E2F7: variants seen among roughly 807,000 people sequenced by gnomAD.
The protein encoded by E2F7 is transcription factor E2F7.
E2F7 carries 35 observed loss-of-function variants against 81.1 expected under a neutral mutation model. The ratio of observed to expected loss-of-function variants is 0.43; its 90% CI spans 0.33 to 0.57. The LOEUF is 0.57. Among genes scored for constraint, E2F7 ranks in the 20% least tolerant of loss-of-function variants. E2F7 has a pLI of 0.04. For synonymous variants in E2F7, 416 were observed against 416.2 expected, an observed-to-expected ratio of 1.00 and a Z score of 0.01; for missense variants, 961 against 1,093.7, an observed-to-expected ratio of 0.88 and a Z score of 1.71.
Position 77,024,187 on chromosome 12 carries a change from TGAAAAAA to T in E2F7, c.2566-9_2566-3del, listed in dbSNP as rs760861833. ...CTTGGGGGTCACTGGAACTGGTGAC[TGAAAAAA>T]GAAAAAAGAAAAAACAGAAGTGAAG... On this transcript the variant is annotated splice_region_variant and splice_polypyrimidine_tract_variant and intron_variant, in intron 12 of 12. Coordinates refer to ENST00000322886, the MANE Select transcript of E2F7 (RefSeq NM_203394.3). 2.7e-4 allele frequency: 429 copies of T among 1,607,280 alleles called. No individual in the cohort carries two copies. The highest frequency in any genetic ancestry group is 2.0e-3 in the Middle Eastern group (12 of 6,004).
rs1048898633 is a variant in E2F7, at chr12:77,022,170, G to T, written c.*1845C>A. On this transcript the variant is annotated 3_prime_UTR_variant, in exon 13 of 13. Transcript: ENST00000322886. ...TTTGTGGAAGTTCTTAAGCATGGTA[G>T]AATTAACATGCATATACCCTGCACA... 2.6e-5 allele frequency: 4 copies of T among 152,146 alleles called. No individual in the cohort carries two copies. The highest frequency in any genetic ancestry group is 9.7e-5 in the African/African-American group (4 of 41,438). The allele number at this position is 152,146 out of a possible 1,614,324, so 9.4% of individuals were successfully genotyped here.
At chr12:77,026,111 A>G in intron 11 of E2F7, 129 bp from the exon 12 acceptor site, 2 of 1,138,584 alleles carry the variant, frequency 1.8e-6, no homozygotes, top group Non-Finnish European at 2.4e-6. Flanking sequence ...ACCTTCCCCC[A>G]GCTGACCAGG....
intron 4 of E2F7, 52 bp from the exon 5 acceptor site, chr12:77,046,380 G>A (rs745560514): frequency 2.7e-5 from 43 of 1,568,770 alleles, no homozygotes; most frequent in Non-Finnish European, 3.7e-5. Context: ...CATTTTTGAA[G>A]AGAAGTTCCT....
intron 2 of E2F7, among the ~76,000 whole-genome samples, chr12:77,057,741 A>G (rs1316008061): frequency 1.3e-5 from 2 of 152,242 alleles, no homozygotes; most frequent in Non-Finnish European, 2.9e-5. Context: ...AAAAGTTTCA[A>G]AAATTCAATA....
At chr12:77,054,416 T>G (rs1250148071) in intron 3 of E2F7, among the ~76,000 whole-genome samples, 1 of 151,874 alleles carries the variant, frequency 6.6e-6, no homozygotes, top group Non-Finnish European at 1.5e-5. Flanking sequence ...CAATTTGCAA[T>G]AGCATCAAAA....
Position 77,064,578 on chromosome 12 carries a change from C to A in E2F7, c.58G>T (p.Asp20Tyr). ...DLISPRQPRL[D>Y]FAVEDGENAQ... Reference sequence around the variant, plus strand: ...TTTTCCCCATCTTCAACTGCAAAATCTAGTCTGGGCTGCCTGGGGCTGATC... The same window carrying A: ...TTTTCCCCATCTTCAACTGCAAAATATAGTCTGGGCTGCCTGGGGCTGATC... Residue 20 changes from aspartate to tyrosine, a missense_variant, in exon 2 of 13, where the codon GAT (aspartate) becomes TAT (tyrosine). Transcript: ENST00000322886. 1 of 1,614,136 alleles carries A rather than the reference C, an allele frequency of 6.2e-7. No homozygotes were observed. The highest frequency in any genetic ancestry group is 8.5e-7 in the Non-Finnish European group (1 of 1,180,012).
chr12:77,065,361 A>G lies in E2F7; in HGVS notation c.-17T>C, dbSNP rs1955111662. On this transcript the variant is annotated 5_prime_UTR_variant, in exon 1 of 13. Coordinates refer to ENST00000322886, the MANE Select transcript of E2F7 (RefSeq NM_203394.3). ...CACGCTTACCCCTGCTTTCCTAAGG[A>G]GGCTTCCTGCCTCTGCAGGGACCTC... 6.6e-6 allele frequency: 1 copy of G among 152,224 alleles called. No individual in the cohort carries two copies. The highest frequency in any genetic ancestry group is 6.5e-5 in the Admixed American group (1 of 15,290). The allele number at this position is 152,224 out of a possible 1,614,324, so 9.4% of individuals were successfully genotyped here. A position where few individuals can be genotyped will look rare whatever the true frequency, so the allele number is the denominator to read the frequency against.
intron 4 of E2F7, among the ~76,000 whole-genome samples, chr12:77,047,485 C>T (rs894228963): frequency 4.6e-5 from 7 of 152,188 alleles, no homozygotes; most frequent in African/African-American, 1.4e-4. Context: ...ATTCTGTTAT[C>T]CAACAGGCCC....
intron 3 of E2F7, 26 bp downstream of exon 3, chr12:77,055,829 A>T (rs781363950): frequency 6.5e-7 from 1 of 1,540,102 alleles, no homozygotes; most frequent in Admixed American, 2.2e-5. Context: ...GTTCTAAAAA[A>T]TCCCTGAGGA....
At chr12:77,024,380 T>G (rs1954741726) in intron 12 of E2F7, among the ~76,000 whole-genome samples, 195 bp from the exon 13 acceptor site, 1 of 152,166 alleles carries the variant, frequency 6.6e-6, no homozygotes, top group South Asian at 2.1e-4. Context: ...TTTGTTGTTT[T>G]GGGTGCAGAA....
chr12:77,043,665 G>A (rs911265113), intron 6 of E2F7, among the ~76,000 whole-genome samples: 3 of 152,076 alleles, frequency 2.0e-5, no homozygotes, highest in Admixed American at 6.5e-5. Flanking sequence ...TGGGCACACA[G>A]GATGCTCAAG....
intron 8 of E2F7, among the ~76,000 whole-genome samples, chr12:77,033,371 G>A (rs1031134574): frequency 6.6e-6 from 1 of 152,062 alleles, no homozygotes; most frequent in Non-Finnish European, 1.5e-5. Flanking sequence ...AATTAGCCAG[G>A]CATGGTGATG....
At chr12:77,056,825 C>G (rs548606564) in intron 2 of E2F7, among the ~76,000 whole-genome samples, 1 of 152,094 alleles carries the variant, frequency 6.6e-6, no homozygotes, top group East Asian at 1.9e-4. Flanking sequence ...CAAGAAGAGA[C>G]CACTAATCAT....
intron 4 of E2F7, among the ~76,000 whole-genome samples, chr12:77,046,544 G>C (rs1439263297): frequency 6.6e-6 from 1 of 152,146 alleles, no homozygotes; most frequent in Non-Finnish European, 1.5e-5. Flanking sequence ...AAAAATCTAA[G>C]ATAAAACATC....
At position 77,055,960 on chromosome 12, in the gene E2F7, C is replaced by T; in HGVS notation, c.264G>A (p.Lys88=). The change falls in exon 3 of 13, where the codon AAG becomes AAA. Residue 88 remains lysine (K), a synonymous_variant. Transcript: ENST00000322886. ...CTGGGCTGGCAGCACTAATGAGCAT[C>T]TTCAGGTTAGCTGTGGGTGTCCATG... ...AEPWTPTANL[K]MLISAASPDI... The T allele has an allele frequency of 6.2e-7, 1 of 1,614,132 alleles. No homozygotes were observed. Among genetic ancestry groups the T allele is most frequent in the Non-Finnish European group, 8.5e-7 (1 of 1,180,022 alleles).
chr12:77,051,475 C>T lies in E2F7; in HGVS notation c.370-731G>A, dbSNP rs181316158. On this transcript the variant is annotated intron_variant, in intron 3 of 12. Coordinates refer to ENST00000322886, the MANE Select transcript of E2F7 (RefSeq NM_203394.3). The stretch of plus-strand genomic sequence containing the variant: ...CTTTAAAAAACTAGGAATAACATAC[C>T]GGGGCCTGTCGTGGGGTGGGGGCAG... 4.5e-3 allele frequency among the ~76,000 whole-genome samples: 632 copies of T among 141,220 alleles called. 5 individuals carry two copies. Among genetic ancestry groups the T allele is most frequent in the African/African-American group, 0.015 (596 of 39,270 alleles). The allele number at this position is 141,220 out of a possible 152,430, so 92.6% of individuals were successfully genotyped here. A position where few individuals can be genotyped will look rare whatever the true frequency, so the allele number is the denominator to read the frequency against.
In E2F7 at chr12:77,023,958, C is replaced by G; in HGVS notation, c.*57G>C. The G allele has an allele frequency of 6.3e-7, 1 of 1,580,488 alleles. No homozygotes were observed. Among genetic ancestry groups the G allele is most frequent in the East Asian group, 2.2e-5 (1 of 44,556 alleles). ...GGACGGGATGGTTTGCATCCCGCCT[C>G]GGACATCCGGGACTCTCAGGGCGTT... On this transcript the variant is annotated 3_prime_UTR_variant, in exon 13 of 13. Transcript: ENST00000322886.
intron 7 of E2F7, among the ~76,000 whole-genome samples, chr12:77,036,744 A>T (rs1172101529): frequency 6.5e-4 from 89 of 136,088 alleles, no homozygotes; most frequent in Non-Finnish European, 9.1e-4. Context: ...AGAATTCTCC[A>T]TTTTTTTTTT....
chr12:77,049,220 G>A (rs375826771), intron 4 of E2F7, among the ~76,000 whole-genome samples: 21 of 152,240 alleles, frequency 1.4e-4, no homozygotes, highest in African/African-American at 5.1e-4. Context: ...CCCAGGGCCA[G>A]CAAGGGGACC....
Sources: gnomAD v4.1 joint callset for allele counts (sites outside exome capture counted in the v4.1 genomes callset) on GRCh38, gnomAD v4.1.1 for gene constraint, MANE v1.5 for transcripts, NCBI Gene and HGNC (gene_info 2026-07-23, HGNC 2026-07-21) for gene names.